CELF2: variants seen among roughly 807,000 people sequenced by gnomAD.
The protein encoded by CELF2 is CUG triplet repeat RNA-binding protein 2.
CELF2 carries 8 observed loss-of-function variants against 62.6 expected under a neutral mutation model. The ratio of observed to expected loss-of-function variants is 0.13; its 90% CI spans 0.07 to 0.23. The LOEUF (loss-of-function observed/expected upper bound fraction) is 0.23. Ranked by LOEUF, CELF2 falls within the 10% of genes least tolerant of loss-of-function variation. The probability of loss-of-function intolerance (pLI) is 1.00; values close to 1 mark genes in which losing one functional copy is unlikely to be tolerated. For missense variants in CELF2, 333 were observed against 671.0 expected, an observed-to-expected ratio of 0.50 and a Z score of 5.56; for synonymous variants, 258 against 250.0, an observed-to-expected ratio of 1.03 and a Z score of -0.30.
At chr10:11,037,189 A>G (rs1031303338) in intron 1 of CELF2, among the ~76,000 whole-genome samples, 1 of 152,254 alleles carries the variant, frequency 6.6e-6, no homozygotes, top group Non-Finnish European at 1.5e-5. Context: ...AAGGAAGAGC[A>G]AAGGGACATC....
intron 1 of CELF2, among the ~76,000 whole-genome samples, chr10:11,037,312 T>C (rs1042843893): frequency 3.3e-5 from 5 of 152,190 alleles, no homozygotes; most frequent in African/African-American, 4.8e-5. Context: ...ACCCCCTTGA[T>C]TCAGTTACCT....
At chr10:11,078,649 G>C (rs1368838174) in intron 1 of CELF2, among the ~76,000 whole-genome samples, 2 of 152,178 alleles carry the variant, frequency 1.3e-5, no homozygotes, top group African/African-American at 4.8e-5. Flanking sequence ...AAAGCTTAAT[G>C]GGTGAATGAA....
intron 1 of CELF2, among the ~76,000 whole-genome samples, chr10:11,091,555 G>C (rs575176856): frequency 6.6e-6 from 1 of 152,302 alleles, no homozygotes; most frequent in African/African-American, 2.4e-5. Context: ...AGATTTGTGA[G>C]GAAATACTAC....
intron 9 of CELF2, among the ~76,000 whole-genome samples, chr10:11,292,949 T>G (rs941409925): frequency 6.6e-6 from 1 of 152,228 alleles, no homozygotes; most frequent in African/African-American, 2.4e-5. Flanking sequence ...CTTGTACTAC[T>G]GGAACAGCCT....
chr10:10,508,032 C>T, the CELF2 span, among the ~76,000 whole-genome samples: 1 of 152,002 alleles, frequency 6.6e-6, no homozygotes, highest in African/African-American at 2.4e-5. Flanking sequence ...CATAAGGTAC[C>T]AGAGGAAAGA....
chr10:10,497,782 T>C, the CELF2 span, among the ~76,000 whole-genome samples: 1 of 152,318 alleles, frequency 6.6e-6, no homozygotes, highest in East Asian at 1.9e-4. Context: ...AGGGCACCGA[T>C]ACTGTAAGCA....
rs77431498 is a variant in CELF2, at chr10:10,939,277, G to GTGTTGTTGTTGTTGTTGTTGT, written c.89+19287_89+19307dup. Among the ~76,000 whole-genome samples, 11 of 144,220 alleles carry GTGTTGTTGTTGTTGTTGTTGT rather than the reference G, an allele frequency of 7.6e-5. 1 individual carries two copies. Among genetic ancestry groups the GTGTTGTTGTTGTTGTTGTTGT allele is most frequent in the African/African-American group, 2.7e-4 (10 of 37,446 alleles). The allele number at this position is 144,220 out of a possible 152,430, so 94.6% of individuals were successfully genotyped here. On this transcript the variant is annotated intron_variant, in intron 2 of 13. Transcript: ENST00000636488. ...AATTAGCAAGTTCTTTTGTTTTGTGGTGTTGTTGTTGTTGTTGTTGTTGTT... is the reference window on the plus strand; with the variant it reads ...AATTAGCAAGTTCTTTTGTTTTGTGGTGTTGTTGTTGTTGTTGTTGTTGTTGTTGTTGTTGTTGTTGTTGTT...
At chr10:11,304,353 C>G (rs868740739) in intron 9 of CELF2, among the ~76,000 whole-genome samples, 1 of 152,188 alleles carries the variant, frequency 6.6e-6, no homozygotes, top group Non-Finnish European at 1.5e-5. Flanking sequence ...CCACAATAAC[C>G]TCCCCCATCT....
the CELF2 span, among the ~76,000 whole-genome samples, chr10:10,685,709 A>G: frequency 1.3e-5 from 2 of 152,218 alleles, no homozygotes; most frequent in Non-Finnish European, 2.9e-5. Flanking sequence ...CTACTGAGAA[A>G]GAAGCCAGTT....
intron 2 of CELF2, among the ~76,000 whole-genome samples, chr10:10,949,664 G>A (rs1223997374): frequency 6.6e-6 from 1 of 151,668 alleles, no homozygotes; most frequent in Non-Finnish European, 1.5e-5. Context: ...AGCCAGGCTT[G>A]GTGGCAGGCA....
chr10:10,507,692 T>G, the CELF2 span, among the ~76,000 whole-genome samples: 2 of 152,134 alleles, frequency 1.3e-5, no homozygotes, highest in African/African-American at 2.4e-5. Context: ...TGTGGGAAGA[T>G]GGAGGGTGTG....
At chr10:10,528,050 C>A in the CELF2 span, among the ~76,000 whole-genome samples, 1 of 152,198 alleles carries the variant, frequency 6.6e-6, no homozygotes, top group Admixed American at 6.5e-5. Context: ...AGAGCCCAGG[C>A]CTGCAGATGT....
In CELF2 at chr10:11,333,284, A is replaced by ATCTT. The variant is rs2096063384; in HGVS notation, c.*4233_*4236dup. On this transcript the variant is annotated 3_prime_UTR_variant, in exon 13 of 13. Coordinates refer to ENST00000633077, the MANE Select transcript of CELF2 (RefSeq NM_001326342.2). ...ACAAACTGTCCTTCTATCCACTTTT[A>ATCTT]TCTTTTAATAAATATCAAAAGGAAA... 1 of 152,590 alleles carries ATCTT rather than the reference A, an allele frequency of 6.6e-6. No individual in the cohort carries two copies. Among genetic ancestry groups the ATCTT allele is most frequent in the Non-Finnish European group, 1.5e-5 (1 of 68,040 alleles). The allele number at this position is 152,590 out of a possible 1,614,324, so 9.5% of individuals were successfully genotyped here. A position where few individuals can be genotyped will look rare whatever the true frequency, so the allele number is the denominator to read the frequency against.
chr10:10,462,900 G>A, the CELF2 span, among the ~76,000 whole-genome samples: 1 of 151,948 alleles, frequency 6.6e-6, no homozygotes, highest in African/African-American at 2.4e-5. Context: ...TTGGAGTTGC[G>A]GTGTCCTGTC....
intron 5 of CELF2, among the ~76,000 whole-genome samples, chr10:11,263,515 A>G (rs1449848685): frequency 6.6e-6 from 1 of 152,178 alleles, no homozygotes; most frequent in African/African-American, 2.4e-5. Context: ...CTGACATTCA[A>G]CAGTCTAGAA....
the CELF2 span, among the ~76,000 whole-genome samples, chr10:10,765,126 C>T: frequency 4.6e-5 from 7 of 152,134 alleles, no homozygotes; most frequent in African/African-American, 1.4e-4. Context: ...ATACAAATGA[C>T]GGTGAACTTC....
intron 1 of CELF2, among the ~76,000 whole-genome samples, chr10:11,113,958 T>C (rs970488667): frequency 6.6e-6 from 1 of 152,230 alleles, no homozygotes; most frequent in Non-Finnish European, 1.5e-5. Flanking sequence ...ATATGATTTG[T>C]GTCTAGCTTC....
At chr10:10,701,468 C>A in the CELF2 span, among the ~76,000 whole-genome samples, 2 of 152,242 alleles carry the variant, frequency 1.3e-5, no homozygotes, top group African/African-American at 4.8e-5. Flanking sequence ...GAGTTGTCAA[C>A]CATTTGCAAC....
chr10:10,680,198 TA>T, the CELF2 span, among the ~76,000 whole-genome samples: 1 of 151,880 alleles, frequency 6.6e-6, no homozygotes, highest in Non-Finnish European at 1.5e-5. Context: ...TATAAACAAA[TA>T]AAAAAATGTA....
Sources: allele counts gnomAD v4.1 joint callset (sites outside exome capture counted in the v4.1 genomes callset), GRCh38; gene constraint gnomAD v4.1.1; transcripts MANE v1.5; gene names NCBI Gene and HGNC (gene_info 2026-07-23, HGNC 2026-07-21).